Variants in EP300 observed in about 807,000 individuals in gnomAD.
The protein encoded by EP300 is EP300 lysine acetyltransferase, also known as histone acetyltransferase p300.
EP300 carries 31 observed loss-of-function variants against 264.0 expected under a neutral mutation model. The observed-to-expected ratio is 0.12, with a 90% CI of 0.09 to 0.16. EP300 has a LOEUF of 0.16. Among genes scored for constraint, EP300 ranks in the 10% least tolerant of loss-of-function variants. The probability of loss-of-function intolerance (pLI) is 1.00; values close to 1 mark genes in which losing one functional copy is unlikely to be tolerated. For missense variants in EP300, 2,766 were observed against 3,052.9 expected (o/e 0.91, Z 2.21); for synonymous variants, 1,340 against 1,045.4 (o/e 1.28, Z -5.44).
chr22:41,157,534 T>TTC lies in EP300; in HGVS notation c.3501+126_3501+127insTC, dbSNP rs1446135021. The TTC allele has an allele frequency of 8.2e-6, 9 of 1,092,974 alleles. No individual in the cohort carries two copies. In the Admixed American group the frequency reaches 9.5e-5, roughly 12 times the overall value. 67.7% of individuals were successfully genotyped at this position (1,092,974 alleles called of 1,614,324 possible). The stretch of plus-strand genomic sequence containing the variant: ...TGGCTTTTTTTTTTTTTTTTTTTTT[T>TTC]CCTTTTTGACAGGGTCTTATTCTCC... On this transcript the variant is annotated intron_variant, in intron 18 of 30. Coordinates refer to ENST00000263253, the MANE Select transcript of EP300 (RefSeq NM_001429.4).
In EP300 at chr22:41,117,393, G is replaced by A. The variant is rs762557708; in HGVS notation, c.301G>A (p.Gly101Ser). Reference protein sequence around the residue: ...PNLNMGVGGPGQVMASQAQQS... With the variant: ...PNLNMGVGGPSQVMASQAQQS... Reference sequence around the variant, plus strand: ...CCTCAATATGGGAGTTGGTGGCCCAGGTCAAGTCATGGCCAGCCAGGCCCA... The same window carrying A: ...CCTCAATATGGGAGTTGGTGGCCCAAGTCAAGTCATGGCCAGCCAGGCCCA... Residue 101 changes from glycine (G) to serine (S), a missense_variant, in exon 2 of 31, where the codon GGT becomes AGT. Physicochemically the swap from Gly to Ser is moderately conservative, Grantham distance 56. Coordinates refer to ENST00000263253, the MANE Select transcript of EP300 (RefSeq NM_001429.4). 2 of 1,614,040 alleles carry A rather than the reference G, an allele frequency of 1.2e-6. No homozygotes were observed. Among genetic ancestry groups the A allele is most frequent in the Admixed American group, 1.7e-5 (1 of 59,998 alleles).
chr22:41,136,246 G>C (rs1474399839), intron 7 of EP300, among the ~76,000 whole-genome samples: 1 of 152,152 alleles, frequency 6.6e-6, no homozygotes, highest in African/African-American at 2.4e-5. Flanking sequence ...GGCTGTTCTT[G>C]AACTCCTGAC....
chr22:41,114,765 G>T (rs1288374025), intron 1 of EP300, among the ~76,000 whole-genome samples: 4 of 151,342 alleles, frequency 2.6e-5, no homozygotes, highest in Non-Finnish European at 5.9e-5. Context: ...GGCAAACCCA[G>T]AGATAATTTC....
At chr22:41,112,841 C>G (rs893451619) in intron 1 of EP300, among the ~76,000 whole-genome samples, 2 of 151,894 alleles carry the variant, frequency 1.3e-5, no homozygotes, top group Non-Finnish European at 2.9e-5. Flanking sequence ...CTTATTTTCT[C>G]TAGTAGCAGT....
intron 1 of EP300, among the ~76,000 whole-genome samples, chr22:41,098,868 A>C (rs2058716101): frequency 6.6e-6 from 1 of 152,112 alleles, no homozygotes; most frequent in Non-Finnish European, 1.5e-5. Context: ...CAGCCCTGTA[A>C]GGTGGGTGCG....
In EP300 at chr22:41,155,026, G is replaced by A. The variant is rs774670848; in HGVS notation, c.3174G>A (p.Leu1058=). ...AACCAGAAGAACTACGACAGGCACT[G>A]ATGCCAACTTTGGAGGCACTTTACC... ...IFKPEELRQA[L]MPTLEALYRQ... is the part of the protein sequence containing the mutation. Residue 1058 remains leucine (L), a synonymous_variant, in exon 17 of 31, where the codon CTG becomes CTA. Transcript: ENST00000263253. 6.2e-6 allele frequency: 10 copies of A among 1,613,890 alleles called. No individual in the cohort carries two copies. The South Asian group carries it at 9.9e-5, about 16-fold the overall frequency.
rs1307968232 is a variant in EP300 at position 41,169,679 on chromosome 22, G to T, written c.4286+63G>T. 3.2e-6 allele frequency: 3 copies of T among 941,168 alleles called. No homozygotes were observed. The South Asian group carries it at 3.9e-5, about 12-fold the overall frequency. 58.3% of individuals were successfully genotyped at this position (941,168 alleles called of 1,614,324 possible). ...AGCATGGCATTCTGGTGAGATATAG[G>T]TTAAATATGCAAATATATAACTCTT... On this transcript the variant is annotated intron_variant, in intron 26 of 30. Transcript: ENST00000263253.
At chr22:41,112,058 T>C (rs536458188) in intron 1 of EP300, among the ~76,000 whole-genome samples, 1 of 151,404 alleles carries the variant, frequency 6.6e-6, no homozygotes, top group Non-Finnish European at 1.5e-5. Flanking sequence ...CAGCTAATTT[T>C]TTGTATTTTT....
intron 12 of EP300, chr22:41,148,826 T>G: frequency 1.6e-6 from 1 of 613,410 alleles, no homozygotes; most frequent in Non-Finnish European, 2.8e-6. Flanking sequence ...TAGGCCTAGG[T>G]AAACTGTGAG....
chr22:41,093,426 A>C (rs370380790), intron 1 of EP300, among the ~76,000 whole-genome samples: 1 of 152,292 alleles, frequency 6.6e-6, no homozygotes, highest in East Asian at 1.9e-4. Flanking sequence ...AAGAGCTCCT[A>C]TGCAATTTAA....
chr22:41,130,040 G>GT, intron 5 of EP300, 37 bp downstream of exon 5: 1 of 1,531,038 alleles, frequency 6.5e-7, no homozygotes, highest in Non-Finnish European at 9.0e-7. Flanking sequence ...TATATGAAAA[G>GT]TTTTAAAGTC....
chr22:41,158,643 T>C (rs1447127588), intron 19 of EP300, 143 bp downstream of exon 19: 4 of 704,738 alleles, frequency 5.7e-6, no homozygotes, highest in African/African-American at 1.8e-5. Context: ...TTTTTTGCCT[T>C]CTGCCTTTGT....
At chr22:41,104,380 C>T (rs965471468) in intron 1 of EP300, among the ~76,000 whole-genome samples, 2 of 151,858 alleles carry the variant, frequency 1.3e-5, no homozygotes, top group African/African-American at 4.8e-5. Context: ...ACCTCTGCCT[C>T]CCCGGTTCAA....
At chr22:41,136,634 C>T (rs2145721369) in intron 7 of EP300, among the ~76,000 whole-genome samples, 1 of 152,234 alleles carries the variant, frequency 6.6e-6, no homozygotes, top group East Asian at 1.9e-4. Context: ...GCACCCTAGT[C>T]TGGGTGACAG....
chr22:41,172,776 T>C, intron 28 of EP300, 113 bp downstream of exon 28: 2 of 1,141,706 alleles, frequency 1.8e-6, no homozygotes, highest in Non-Finnish European at 2.6e-6. Context: ...AAGAGCTCTT[T>C]AAGTTGGACA....
intron 1 of EP300, among the ~76,000 whole-genome samples, chr22:41,115,930 T>A (rs2058818461): frequency 6.6e-6 from 1 of 152,234 alleles, no homozygotes; most frequent in South Asian, 2.1e-4. Context: ...ACACTGAGTG[T>A]TCCACAAATG....
rs2059026936 is a variant in EP300, at chr22:41,148,885, T to C, written c.2242-153T>C. Reference sequence around the variant, plus strand: ...AAGAGTCAGTTGTTCTACAACTTTCTTCCTTCTCCTCTTCAGCCCTCTTCA... The same window carrying C: ...AAGAGTCAGTTGTTCTACAACTTTCCTCCTTCTCCTCTTCAGCCCTCTTCA... On this transcript the variant is annotated intron_variant, in intron 12 of 30. Coordinates refer to ENST00000263253, the MANE Select transcript of EP300 (RefSeq NM_001429.4). 1.2e-5 allele frequency: 11 copies of C among 938,142 alleles called. No individual in the cohort carries two copies. The South Asian group carries it at 1.6e-4, about 13-fold the overall frequency. The allele number at this position is 938,142 out of a possible 1,614,324, so 58.1% of individuals were successfully genotyped here.
rs555232561 is a variant in EP300, at chr22:41,157,383, G to T, written c.3476G>T (p.Ser1159Ile). 6.2e-7 allele frequency: 1 copy of T among 1,614,118 alleles called. No homozygotes were observed. Among genetic ancestry groups the T allele is most frequent in the Non-Finnish European group, 8.5e-7 (1 of 1,180,026 alleles). ...FEQEIDPVMQ[S>I]LGYCCGRKLE... The stretch of plus-strand genomic sequence containing the variant: ...CAAGAAATTGACCCAGTGATGCAAA[G>T]CCTTGGATACTGTTGTGGCAGAAAG... Residue 1159 changes from serine to isoleucine, a missense_variant, in exon 18 of 31, where the codon AGC (serine) becomes ATC (isoleucine). Physicochemically the swap from Ser to Ile is moderately radical, Grantham distance 142. Coordinates refer to ENST00000263253, the MANE Select transcript of EP300 (RefSeq NM_001429.4).
In EP300 at chr22:41,149,977, C is replaced by T. The variant is rs1427681457; in HGVS notation, c.2596C>T (p.Pro866Ser). The T allele has an allele frequency of 6.2e-7, 1 of 1,613,958 alleles. No homozygotes were observed. The highest frequency in any genetic ancestry group is 1.3e-5 in the African/African-American group (1 of 74,880). The change falls in exon 14 of 31, where the codon CCT becomes TCT. Residue 866 changes from proline to serine, a missense_variant. Coordinates refer to ENST00000263253, the MANE Select transcript of EP300 (RefSeq NM_001429.4). ...AACAATTCCAGCCCCTGTTCCTACACCTCCTGCCATGCCACCTGGGCCACA... is the reference window on the plus strand; with the variant it reads ...AACAATTCCAGCCCCTGTTCCTACATCTCCTGCCATGCCACCTGGGCCACA... ...ATTIPAPVPT[P>S]PAMPPGPQSQ... is the part of the protein sequence containing the mutation.
Sources: allele counts gnomAD v4.1 joint callset (sites outside exome capture counted in the v4.1 genomes callset), GRCh38; gene constraint gnomAD v4.1.1; transcripts MANE v1.5; gene names NCBI Gene and HGNC (gene_info 2026-07-23, HGNC 2026-07-21).